The following ADGRL3 variants were observed in gnomAD, a reference collection of about 807,000 sequenced individuals.
ADGRL3 encodes the protein adhesion G protein-coupled receptor L3, also known as calcium-independent alpha-latrotoxin receptor 3.
ADGRL3 carries 62 observed loss-of-function variants against 153.5 expected under a neutral mutation model. The observed-to-expected ratio is 0.40, with a 90% CI of 0.33 to 0.50. ADGRL3 has a LOEUF of 0.50. Ranked by LOEUF, ADGRL3 falls within the 20% of genes least tolerant of loss-of-function variation. The pLI is 0.47. For synonymous variants in ADGRL3, 710 were observed against 672.5 expected (o/e 1.06, Z -0.86); for missense variants, 1,641 against 1,859.4 (o/e 0.88, Z 2.16).
chr4:61,513,540 G>T (rs1028894437), intron 3 of ADGRL3, among the ~76,000 whole-genome samples: 4 of 152,000 alleles, frequency 2.6e-5, no homozygotes, highest in African/African-American at 9.7e-5. Flanking sequence ...GATCATTATA[G>T]TAGGTTATGA....
intron 5 of ADGRL3, among the ~76,000 whole-genome samples, chr4:61,670,908 G>A (rs1420335706): frequency 6.6e-6 from 1 of 152,160 alleles, no homozygotes. Context: ...ATTGTAGGAT[G>A]TCCTCGGTCC....
chr4:61,436,899 G>A (rs1360278212), intron 2 of ADGRL3, among the ~76,000 whole-genome samples: 1 of 136,970 alleles, frequency 7.3e-6, no homozygotes, highest in Non-Finnish European at 1.6e-5. Context: ...TCAAAAAAAA[G>A]GGAGTCTAAG....
intron 2 of ADGRL3, among the ~76,000 whole-genome samples, chr4:61,466,759 A>G (rs1441293042): frequency 6.6e-6 from 1 of 152,158 alleles, no homozygotes; most frequent in East Asian, 1.9e-4. Context: ...GGAAAATTCT[A>G]TTGTATATCA....
chr4:61,425,139 G>A (rs891641386), intron 2 of ADGRL3, among the ~76,000 whole-genome samples: 3 of 152,064 alleles, frequency 2.0e-5, no homozygotes, highest in Non-Finnish European at 2.9e-5. Context: ...GGCTATGGTG[G>A]GCAAATACCC....
chr4:61,361,262 G>A (rs2096277895), intron 1 of ADGRL3, among the ~76,000 whole-genome samples: 1 of 152,134 alleles, frequency 6.6e-6, no homozygotes, highest in Admixed American at 6.6e-5. Flanking sequence ...TCTGTGAGAT[G>A]ATTTATGTGT....
chr4:61,887,361 T>C (rs1190073236), intron 9 of ADGRL3, among the ~76,000 whole-genome samples: 3 of 152,160 alleles, frequency 2.0e-5, no homozygotes, highest in Admixed American at 6.6e-5. Context: ...GAGAATGACA[T>C]TTTTAATAGC....
At chr4:61,320,349 T>G in intron 1 of ADGRL3, among the ~76,000 whole-genome samples, 1 of 152,200 alleles carries the variant, frequency 6.6e-6, no homozygotes, top group Non-Finnish European at 1.5e-5. Context: ...CATTCCTACT[T>G]GTGTTAGTCA....
chr4:61,899,753 G>T lies in ADGRL3; in HGVS notation c.1887+3919G>T, dbSNP rs537409137. Among the ~76,000 whole-genome samples the T allele has an allele frequency of 2.6e-5, 4 of 152,252 alleles. No homozygotes were observed. In the East Asian group the frequency reaches 7.7e-4, roughly 29 times the overall value. On this transcript the variant is annotated intron_variant, in intron 11 of 26. Transcript: ENST00000683033. ...TGGAGGCTGGAAAGTCCAAGATCAG[G>T]GTGCTGGCAAATCCTTTCTCTGATG...
intron 4 of ADGRL3, among the ~76,000 whole-genome samples, chr4:61,526,878 A>T (rs1470883043): frequency 6.6e-6 from 1 of 152,200 alleles, no homozygotes; most frequent in Non-Finnish European, 1.5e-5. Context: ...CAGTAAGTAG[A>T]TGAATATAAA....
chr4:61,802,493 A>G (rs2097510049), intron 8 of ADGRL3, among the ~76,000 whole-genome samples: 2 of 152,080 alleles, frequency 1.3e-5, no homozygotes, highest in Admixed American at 6.6e-5. Flanking sequence ...GACTACGGGC[A>G]TCTTCAAACC....
At chr4:61,269,870 C>G (rs1175339768) in intron 1 of ADGRL3, among the ~76,000 whole-genome samples, 3 of 151,610 alleles carry the variant, frequency 2.0e-5, no homozygotes, top group African/African-American at 7.2e-5. Context: ...CTGGCAGAAT[C>G]TTTTACAAAT....
intron 4 of ADGRL3, among the ~76,000 whole-genome samples, chr4:61,534,265 G>A (rs1171080251): frequency 2.6e-5 from 4 of 151,972 alleles, no homozygotes; most frequent in Non-Finnish European, 4.4e-5. Context: ...TCACTGTGTG[G>A]CTTTATTTTT....
At chr4:61,409,557 C>T (rs2097058296) in intron 2 of ADGRL3, among the ~76,000 whole-genome samples, 1 of 150,624 alleles carries the variant, frequency 6.6e-6, no homozygotes, top group Non-Finnish European at 1.5e-5. Flanking sequence ...AATGCTAGTC[C>T]ACATGAATCA....
chr4:61,370,066 G>T (rs1385792362), intron 1 of ADGRL3, among the ~76,000 whole-genome samples: 1 of 151,916 alleles, frequency 6.6e-6, no homozygotes, highest in Non-Finnish European at 1.5e-5. Context: ...CTGTGGGATC[G>T]GTGGTGATAT....
chr4:61,426,402 CG>C (rs2097281097), intron 2 of ADGRL3, among the ~76,000 whole-genome samples: 1 of 152,010 alleles, frequency 6.6e-6, no homozygotes, highest in South Asian at 2.1e-4. Context: ...AGGAAGCAGT[CG>C]CACCCTGGCT....
At chr4:62,056,056 A>T (rs1474995776) in intron 25 of ADGRL3, among the ~76,000 whole-genome samples, 1 of 151,662 alleles carries the variant, frequency 6.6e-6, no homozygotes, top group Non-Finnish European at 1.5e-5. Flanking sequence ...AGAGGATCTT[A>T]AAAAAATTTT....
At chr4:61,370,774 C>T (rs896927592) in intron 1 of ADGRL3, among the ~76,000 whole-genome samples, 3 of 152,066 alleles carry the variant, frequency 2.0e-5, no homozygotes, top group African/African-American at 7.2e-5. Flanking sequence ...AGTTCAATTC[C>T]TGGGTATCCT....
intron 9 of ADGRL3, among the ~76,000 whole-genome samples, chr4:61,831,006 A>C (rs2097861860): frequency 6.6e-6 from 1 of 152,198 alleles, no homozygotes; most frequent in South Asian, 2.1e-4. Flanking sequence ...CTCGTGCCTC[A>C]GCCACCCAAA....
At chr4:61,563,765 T>G (rs1344326236) in intron 4 of ADGRL3, among the ~76,000 whole-genome samples, 1 of 152,138 alleles carries the variant, frequency 6.6e-6, no homozygotes, top group East Asian at 1.9e-4. Flanking sequence ...ATCCCAGCAC[T>G]TTGGGAGGTC....
Sources: gnomAD v4.1 joint callset for allele counts (sites outside exome capture counted in the v4.1 genomes callset) on GRCh38, gnomAD v4.1.1 for gene constraint, MANE v1.5 for transcripts, NCBI Gene and HGNC (gene_info 2026-07-23, HGNC 2026-07-21) for gene names.